ZNF148: variants seen among roughly 807,000 people sequenced by gnomAD.
The protein encoded by ZNF148 is zinc finger protein 148.
ZNF148 carries 7 observed loss-of-function variants against 67.7 expected under a neutral mutation model. The observed-to-expected ratio is 0.10, with a 90% CI of 0.06 to 0.19. ZNF148 has a LOEUF of 0.19. ZNF148 is among the 10% of genes least tolerant of loss of function. ZNF148 has a pLI of 1.00. For missense variants in ZNF148, 583 were observed against 947.1 expected (o/e 0.62, Z 5.05); for synonymous variants, 333 against 330.7 (o/e 1.01, Z -0.08).
chr3:125,372,095 G>T (rs1229668381), intron 1 of ZNF148, among the ~76,000 whole-genome samples: 1 of 151,516 alleles, frequency 6.6e-6, no homozygotes, highest in East Asian at 1.9e-4. Flanking sequence ...CTGCAATCTG[G>T]TAACTAATTC....
chr3:125,241,858 C>G (rs1363095615), intron 7 of ZNF148, among the ~76,000 whole-genome samples: 2 of 152,220 alleles, frequency 1.3e-5, no homozygotes, highest in African/African-American at 4.8e-5. Context: ...TGCTATGAAT[C>G]TGTACTCCCA....
chr3:125,267,680 C>T (rs1453481029), intron 7 of ZNF148, among the ~76,000 whole-genome samples: 2 of 152,130 alleles, frequency 1.3e-5, no homozygotes, highest in Non-Finnish European at 2.9e-5. Flanking sequence ...GACAAGGACG[C>T]CTATTCTCAT....
chr3:125,284,730 T>C (rs1417966213), intron 5 of ZNF148, among the ~76,000 whole-genome samples: 1 of 152,194 alleles, frequency 6.6e-6, no homozygotes, highest in Non-Finnish European at 1.5e-5. Flanking sequence ...GCTTCTATTA[T>C]GTAGAAAACT....
chr3:125,308,495 C>G (rs1011595539), intron 4 of ZNF148, among the ~76,000 whole-genome samples: 3 of 140,086 alleles, frequency 2.1e-5, no homozygotes, highest in Non-Finnish European at 4.6e-5. Flanking sequence ...AGAATCAATG[C>G]AATCTCAATC....
chr3:125,338,624 C>T (rs1409082445), intron 1 of ZNF148, among the ~76,000 whole-genome samples: 1 of 124,784 alleles, frequency 8.0e-6, no homozygotes, highest in East Asian at 2.4e-4. Flanking sequence ...TGTGCCACTG[C>T]ACTCCAGACT....
rs559781782 is a variant in ZNF148 at position 125,266,988 on chromosome 3, T to C, written c.667+10738A>G. On this transcript the variant is annotated intron_variant, in intron 7 of 8. Transcript: ENST00000360647. Reference sequence around the variant, plus strand: ...TCTTATAAACACACACCTCCCAAGATTGAATCAGGAAAAAATTCAAACCTT... The same window carrying C: ...TCTTATAAACACACACCTCCCAAGACTGAATCAGGAAAAAATTCAAACCTT... Among the ~76,000 whole-genome samples the C allele has an allele frequency of 2.0e-5, 3 of 151,356 alleles. No individual in the cohort carries two copies. The East Asian group carries it at 5.8e-4, about 29-fold the overall frequency.
At chr3:125,304,500 G>T (rs1560155386) in intron 4 of ZNF148, among the ~76,000 whole-genome samples, 1 of 152,124 alleles carries the variant, frequency 6.6e-6, no homozygotes, top group African/African-American at 2.4e-5. Context: ...GGGGTAGCAA[G>T]TACTCCTGTG....
At chr3:125,360,840 T>C (rs965499754) in intron 1 of ZNF148, among the ~76,000 whole-genome samples, 2 of 148,368 alleles carry the variant, frequency 1.3e-5, no homozygotes, top group African/African-American at 4.9e-5. Flanking sequence ...AAAATTAAAA[T>C]TAAAAAATTA....
intron 3 of ZNF148, among the ~76,000 whole-genome samples, chr3:125,322,828 T>C (rs1423236786): frequency 1.3e-5 from 2 of 152,206 alleles, no homozygotes; most frequent in African/African-American, 4.8e-5. Flanking sequence ...GACTGCTTCC[T>C]TATATTAGTG....
chr3:125,321,359 G>A (rs1448061009), intron 3 of ZNF148, among the ~76,000 whole-genome samples: 1 of 151,694 alleles, frequency 6.6e-6, no homozygotes. Flanking sequence ...AAACTTACAC[G>A]TTAACAATAA....
chr3:125,255,906 A>T (rs1401364465), intron 7 of ZNF148, among the ~76,000 whole-genome samples: 2 of 151,996 alleles, frequency 1.3e-5, no homozygotes, highest in East Asian at 3.9e-4. Flanking sequence ...CAGCTGTTTC[A>T]AATGATGTGC....
intron 1 of ZNF148, among the ~76,000 whole-genome samples, chr3:125,369,384 C>CAA (rs759752715): frequency 0.021 from 986 of 47,488 alleles, 187 homozygotes; most frequent in African/African-American, 0.035. Flanking sequence ...ACTGCAACCT[C>CAA]AAAAAAAAAA....
chr3:125,264,193 T>A (rs769791040), intron 7 of ZNF148, among the ~76,000 whole-genome samples: 23 of 152,204 alleles, frequency 1.5e-4, no homozygotes, highest in Non-Finnish European at 3.2e-4. Context: ...CTTTCCTGGG[T>A]TCTGTAAACT....
chr3:125,363,657 C>CT (rs34792480), intron 1 of ZNF148, among the ~76,000 whole-genome samples: 83 of 147,814 alleles, frequency 5.6e-4, no homozygotes, highest in East Asian at 2.2e-3. Context: ...ATACTTCACA[C>CT]TTTTTTTTTT....
intron 2 of ZNF148, among the ~76,000 whole-genome samples, chr3:125,328,229 T>C (rs550455111): frequency 1.4e-4 from 22 of 152,302 alleles, no homozygotes; most frequent in African/African-American, 4.6e-4. Flanking sequence ...GTGAGCCCTA[T>C]AATCAATGAT....
At chr3:125,258,445 A>AAAT (rs869187911) in intron 7 of ZNF148, among the ~76,000 whole-genome samples, 2 of 144,894 alleles carry the variant, frequency 1.4e-5, no homozygotes, top group Admixed American at 6.8e-5. Flanking sequence ...AAAAAAAAAA[A>AAAT]GGGGGATAGC....
chr3:125,237,813 C>T (rs1223349192), intron 7 of ZNF148, among the ~76,000 whole-genome samples: 1 of 152,098 alleles, frequency 6.6e-6, no homozygotes, highest in African/African-American at 2.4e-5. Context: ...TTAAAATTCG[C>T]ATCTAAAAGA....
chr3:125,338,085 C>G (rs1003602875), intron 1 of ZNF148, among the ~76,000 whole-genome samples: 1 of 152,072 alleles, frequency 6.6e-6, no homozygotes, highest in African/African-American at 2.4e-5. Flanking sequence ...GCCTGAGCAA[C>G]AGAGTGAGAC....
At chr3:125,340,987 C>CAAA (rs934719609) in intron 1 of ZNF148, among the ~76,000 whole-genome samples, 2 of 12,164 alleles carry the variant, frequency 1.6e-4, no homozygotes, top group Admixed American at 9.8e-4. Flanking sequence ...GACTCCGGCT[C>CAAA]AAAAAAAAAA....
Sources: gnomAD v4.1 joint callset for allele counts (sites outside exome capture counted in the v4.1 genomes callset) on GRCh38, gnomAD v4.1.1 for gene constraint, MANE v1.5 for transcripts, NCBI Gene and HGNC (gene_info 2026-07-23, HGNC 2026-07-21) for gene names.